The following GPD2 variants were observed in gnomAD, a reference collection of about 807,000 sequenced individuals.
The protein encoded by GPD2 is glycerol-3-phosphate dehydrogenase, mitochondrial.
In GPD2, 54 loss-of-function variants were observed where a neutral mutation model predicts 82.4. The ratio of observed to expected loss-of-function variants is 0.66; its 90% confidence interval spans 0.53 to 0.82. The LOEUF (loss-of-function observed/expected upper bound fraction) is 0.82, where lower values mean the gene tolerates loss of function less well. GPD2 is among the 40% of genes least tolerant of loss of function. The pLI is 0.00. For missense variants in GPD2, 748 were observed against 896.2 expected, an observed-to-expected ratio of 0.83 and a Z score of 2.11; for synonymous variants, 288 against 306.1, an observed-to-expected ratio of 0.94 and a Z score of 0.62.
At chr2:156,527,976 A>T (rs1473988012) in intron 6 of GPD2, among the ~76,000 whole-genome samples, 1 of 152,168 alleles carries the variant, frequency 6.6e-6, no homozygotes, top group Non-Finnish European at 1.5e-5. Context: ...CCCGTGTGCA[A>T]AGCATTGTAC....
intron 3 of GPD2, among the ~76,000 whole-genome samples, chr2:156,508,236 A>T (rs1684857383): frequency 6.6e-6 from 1 of 151,768 alleles, no homozygotes; most frequent in Non-Finnish European, 1.5e-5. Flanking sequence ...GTTCCTCACC[A>T]CCTGTTGACC....
At chr2:156,416,135 T>C in the GPD2 span, among the ~76,000 whole-genome samples, 4 of 151,908 alleles carry the variant, frequency 2.6e-5, no homozygotes, top group African/African-American at 9.7e-5. Context: ...TAATATTCTA[T>C]CATATATGTA....
chr2:156,551,372 A>G (rs1686753468), intron 8 of GPD2, among the ~76,000 whole-genome samples: 1 of 152,186 alleles, frequency 6.6e-6, no homozygotes, highest in South Asian at 2.1e-4. Flanking sequence ...CTCTTTTTAT[A>G]TATGTTTGAA....
intron 1 of GPD2, among the ~76,000 whole-genome samples, chr2:156,475,525 C>T (rs1182301366): frequency 6.6e-6 from 1 of 152,112 alleles, no homozygotes; most frequent in Non-Finnish European, 1.5e-5. Context: ...TGAGCCACCA[C>T]GCCCAGCCGA....
chr2:156,553,475 C>T (rs1367157791), intron 8 of GPD2, among the ~76,000 whole-genome samples: 1 of 151,874 alleles, frequency 6.6e-6, no homozygotes, highest in East Asian at 1.9e-4. Flanking sequence ...CAACTTACTG[C>T]CCAGCTAACC....
At chr2:156,537,539 G>T (rs889905808) in intron 6 of GPD2, among the ~76,000 whole-genome samples, 7 of 152,142 alleles carry the variant, frequency 4.6e-5, no homozygotes, top group African/African-American at 1.4e-4. Flanking sequence ...TTTCAATTTG[G>T]TGTGACATTG....
chr2:156,400,772 G>C, the GPD2 span, among the ~76,000 whole-genome samples: 9 of 152,336 alleles, frequency 5.9e-5, no homozygotes, highest in South Asian at 4.1e-4. Flanking sequence ...TCGGCTGGGG[G>C]ATGTAGCTCA....
chr2:156,416,997 T>C, the GPD2 span, among the ~76,000 whole-genome samples: 1 of 152,174 alleles, frequency 6.6e-6, no homozygotes, highest in Admixed American at 6.5e-5. Flanking sequence ...AACCTCACCT[T>C]GGCTTTACTC....
intron 6 of GPD2, among the ~76,000 whole-genome samples, chr2:156,538,477 TAA>T (rs35817705): frequency 3.3e-4 from 48 of 143,764 alleles, no homozygotes; most frequent in Non-Finnish European, 4.0e-4. Flanking sequence ...AGATTGCTGT[TAA>T]AAAAAAAAAA....
At chr2:156,418,345 G>A in the GPD2 span, among the ~76,000 whole-genome samples, 4 of 151,882 alleles carry the variant, frequency 2.6e-5, no homozygotes, top group South Asian at 2.1e-4. Context: ...AGCCAAGATC[G>A]CGCTACTACA....
chr2:156,494,224 A>G (rs1240663787), intron 2 of GPD2, among the ~76,000 whole-genome samples: 4 of 152,214 alleles, frequency 2.6e-5, no homozygotes, highest in Non-Finnish European at 4.4e-5. Flanking sequence ...GTTCCTAATC[A>G]TATGTGACTA....
chr2:156,475,954 A>G, intron 1 of GPD2, 144 bp from the exon 2 acceptor site: 1 of 618,948 alleles, frequency 1.6e-6, no homozygotes, highest in Non-Finnish European at 2.9e-6. Context: ...CAGTATACAC[A>G]TTGGTTTGTT....
chr2:156,546,156 G>A (rs991337164), intron 6 of GPD2, among the ~76,000 whole-genome samples: 7 of 152,168 alleles, frequency 4.6e-5, no homozygotes, highest in Admixed American at 1.3e-4. Context: ...GAACAGAGTC[G>A]GAAACAGATT....
the GPD2 span, among the ~76,000 whole-genome samples, chr2:156,420,120 T>C: frequency 1.3e-5 from 2 of 152,240 alleles, no homozygotes; most frequent in Non-Finnish European, 2.9e-5. Flanking sequence ...TGGTTATCTC[T>C]AGTCAGATTC....
At chr2:156,581,651 C>T (rs961618495) in intron 16 of GPD2, among the ~76,000 whole-genome samples, 2 of 151,942 alleles carry the variant, frequency 1.3e-5, no homozygotes, top group East Asian at 1.9e-4. Flanking sequence ...AATATAGATA[C>T]GGTTTTTCAT....
intron 3 of GPD2, among the ~76,000 whole-genome samples, chr2:156,502,882 A>T (rs191094931): frequency 8.7e-5 from 13 of 150,170 alleles, no homozygotes; most frequent in African/African-American, 2.7e-4. Context: ...TTCCATGTGC[A>T]TTTGCTTTGT....
At chr2:156,456,664 A>T (rs529425437) in intron 1 of GPD2, among the ~76,000 whole-genome samples, 4 of 152,284 alleles carry the variant, frequency 2.6e-5, no homozygotes, top group African/African-American at 7.2e-5. Context: ...AAGAATTAAG[A>T]TAATGCAAAT....
At chr2:156,498,903 C>T (rs1247765641) in intron 3 of GPD2, among the ~76,000 whole-genome samples, 1 of 151,914 alleles carries the variant, frequency 6.6e-6, no homozygotes, top group East Asian at 1.9e-4. Context: ...GGGAGAAGAA[C>T]CTTAATATGC....
intron 1 of GPD2, among the ~76,000 whole-genome samples, chr2:156,462,083 T>C (rs997917127): frequency 2.0e-5 from 3 of 152,226 alleles, no homozygotes; most frequent in Non-Finnish European, 4.4e-5. Context: ...ATTTTTTTGG[T>C]CCATTTATCT....
Sources: allele counts gnomAD v4.1 joint callset (sites outside exome capture counted in the v4.1 genomes callset), GRCh38; gene constraint gnomAD v4.1.1; transcripts MANE v1.5; gene names NCBI Gene and HGNC (gene_info 2026-07-23, HGNC 2026-07-21).